The following CD244 variants were observed in gnomAD, a reference collection of about 807,000 sequenced individuals.
CD244 encodes the protein CD244 molecule.
A neutral mutation model predicts 45.5 loss-of-function variants in CD244; 20 were observed. The ratio of observed to expected loss-of-function variants is 0.44; its 90% confidence interval spans 0.31 to 0.64. CD244 has a LOEUF of 0.64. Ranked by LOEUF, CD244 falls within the 30% of genes least tolerant of loss-of-function variation. The probability of loss-of-function intolerance (pLI) is 0.08; values close to 1 mark genes in which losing one functional copy is unlikely to be tolerated. For missense variants in CD244, 407 were observed against 426.9 expected, an observed-to-expected ratio of 0.95 and a Z score of 0.41; for synonymous variants, 185 against 160.5, an observed-to-expected ratio of 1.15 and a Z score of -1.15.
intron 8 of CD244, 88 bp from the exon 9 acceptor site, chr1:160,831,515 A>T: frequency 1.1e-6 from 1 of 939,432 alleles, no homozygotes. Context: ...TCCCCATTTT[A>T]CAGATTTAAA....
At chr1:160,858,690 T>C (rs1205922351) in intron 1 of CD244, among the ~76,000 whole-genome samples, 1 of 152,246 alleles carries the variant, frequency 6.6e-6, no homozygotes, top group East Asian at 1.9e-4. Flanking sequence ...GCATTGGCAC[T>C]GCACCAGGCA....
intron 4 of CD244, 30 bp from the exon 5 acceptor site, chr1:160,838,548 C>T (rs1202581440): frequency 4.0e-6 from 6 of 1,506,532 alleles, no homozygotes; most frequent in Non-Finnish European, 4.6e-6. Flanking sequence ...AAGAGCAGAG[C>T]TGCAGAAACC....
At chr1:160,834,694 A>G (rs1215483155) in intron 6 of CD244, among the ~76,000 whole-genome samples, 2 of 152,338 alleles carry the variant, frequency 1.3e-5, no homozygotes, top group East Asian at 3.9e-4. Flanking sequence ...AAGAATGATC[A>G]TAATTTGCCC....
Position 160,858,136 on chromosome 1 carries a change from T to C in CD244, c.61+4481A>G, listed in dbSNP as rs185548146. Among the ~76,000 whole-genome samples the C allele has an allele frequency of 5.3e-5, 8 of 151,888 alleles. No individual in the cohort carries two copies. The East Asian group carries it at 1.5e-3, about 29-fold the overall frequency. On this transcript the variant is annotated intron_variant, in intron 1 of 8. Transcript: ENST00000368034. ...CTCTCCTTGAAGTGATTTCAGTGGA[T>C]TCCTTTCTGGATGGTGCTGTAGCCC...
chr1:160,855,899 G>C (rs138709202), intron 1 of CD244, among the ~76,000 whole-genome samples: 1 of 152,304 alleles, frequency 6.6e-6, no homozygotes, highest in East Asian at 1.9e-4. Flanking sequence ...AGTGAGTCCC[G>C]CTCAGCCCTG....
At chr1:160,846,126 G>A (rs1247970088) in intron 1 of CD244, among the ~76,000 whole-genome samples, 1 of 151,934 alleles carries the variant, frequency 6.6e-6, no homozygotes, top group Non-Finnish European at 1.5e-5. Flanking sequence ...TTCATTAGAG[G>A]TGATTTGTGA....
In CD244 at chr1:160,841,711, A is replaced by G. The variant is rs1345019623; in HGVS notation, c.252T>C (p.Ser84=). The change falls in exon 2 of 9, where the codon AGT becomes AGC. Residue 84 remains serine (S), a synonymous_variant. Transcript: ENST00000368034. ...LPSNTSNDRF[S]FIVKNLSLLI... ...GAAGACTCAAGTTCTTGACTATAAA[A>G]CTGAATCTATCATTGGAAGTATTGG... 6.2e-7 allele frequency: 1 copy of G among 1,614,008 alleles called. No individual in the cohort carries two copies. Among genetic ancestry groups the G allele is most frequent in the East Asian group, 2.2e-5 (1 of 44,898 alleles).
chr1:160,838,675 G>A (rs1404167505), intron 4 of CD244, 157 bp from the exon 5 acceptor site: 5 of 654,822 alleles, frequency 7.6e-6, no homozygotes, highest in Non-Finnish European at 1.4e-5. Flanking sequence ...AAAGAGCACA[G>A]AGGCAGCAAC....
intron 1 of CD244, among the ~76,000 whole-genome samples, chr1:160,852,806 T>C (rs990437206): frequency 1.3e-5 from 2 of 152,020 alleles, no homozygotes; most frequent in Non-Finnish European, 1.5e-5. Flanking sequence ...GCGGATCACC[T>C]GAGGTCAGGA....
intron 1 of CD244, among the ~76,000 whole-genome samples, chr1:160,845,460 G>C (rs949293622): frequency 6.6e-6 from 1 of 152,194 alleles, no homozygotes; most frequent in African/African-American, 2.4e-5. Context: ...AGAGAGGAAA[G>C]AGGAACTAAG....
intron 1 of CD244, among the ~76,000 whole-genome samples, chr1:160,853,155 G>A (rs192015392): frequency 6.8e-4 from 104 of 152,198 alleles, no homozygotes; most frequent in Non-Finnish European, 1.1e-3. Flanking sequence ...CAAATAAATC[G>A]TGTTATAGTC....
Position 160,837,507 on chromosome 1 carries a change from T to TA in CD244, c.834+943dup, listed in dbSNP as rs528569864. Among the ~76,000 whole-genome samples the TA allele has an allele frequency of 3.5e-3, 531 of 151,942 alleles. 1 individual carries two copies. The highest frequency in any genetic ancestry group is 6.2e-3 in the Non-Finnish European group (419 of 67,930). On this transcript the variant is annotated intron_variant, in intron 5 of 8. Transcript: ENST00000368034. ...ATAAATAAATAAATAAAGATAAAAATAAAAAAACAGGCATGGGGAGCTGCT... is the reference window on the plus strand; with the variant it reads ...ATAAATAAATAAATAAAGATAAAAATAAAAAAAACAGGCATGGGGAGCTGCT...
Position 160,841,573 on chromosome 1 carries a change from T to A in CD244, c.379+11A>T. Reference sequence around the variant, plus strand: ...TCAGAGAGGGCAGTATGAACAGTCCTGGAGACTTACCAAATACAAAAACCT... The same window carrying A: ...TCAGAGAGGGCAGTATGAACAGTCCAGGAGACTTACCAAATACAAAAACCT... On this transcript the variant is annotated intron_variant, in intron 2 of 8. Coordinates refer to ENST00000368034, the MANE Select transcript of CD244 (RefSeq NM_016382.4). The A allele has an allele frequency of 1.9e-6, 3 of 1,613,716 alleles. No homozygotes were observed. Among genetic ancestry groups the A allele is most frequent in the Non-Finnish European group, 2.5e-6 (3 of 1,179,870 alleles).
At chr1:160,851,591 A>G (rs1669920954) in intron 1 of CD244, among the ~76,000 whole-genome samples, 5 of 152,244 alleles carry the variant, frequency 3.3e-5, no homozygotes, top group Admixed American at 3.3e-4. Flanking sequence ...TAAAGCTTCC[A>G]GGAAAAAGCA....
At position 160,841,286 on chromosome 1, in the gene CD244, G is replaced by A; in HGVS notation, c.579C>T (p.Thr193=). The part of the protein sequence containing the change: ...EVDINGTHTY[T]CNVSNPVSWE... Reference sequence around the variant, plus strand: ...AGCTAACAGGATTGCTGACATTGCAGGTATATGTGTGAGTGCCATTAATGT... The same window carrying A: ...AGCTAACAGGATTGCTGACATTGCAAGTATATGTGTGAGTGCCATTAATGT... Residue 193 remains threonine, a synonymous_variant, in exon 3 of 9, where the codon ACC becomes ACT. Coordinates refer to ENST00000368034, the MANE Select transcript of CD244 (RefSeq NM_016382.4). 1 of 1,614,168 alleles carries A rather than the reference G, an allele frequency of 6.2e-7. No homozygotes were observed. The highest frequency in any genetic ancestry group is 8.5e-7 in the Non-Finnish European group (1 of 1,180,016).
chr1:160,855,565 A>G (rs1324911955), intron 1 of CD244, among the ~76,000 whole-genome samples: 1 of 152,186 alleles, frequency 6.6e-6, no homozygotes. Flanking sequence ...CAGATAGGGG[A>G]GATGAAATGC....
At chr1:160,860,476 C>G (rs1447143305) in intron 1 of CD244, among the ~76,000 whole-genome samples, 3 of 151,434 alleles carry the variant, frequency 2.0e-5, no homozygotes, top group Non-Finnish European at 4.4e-5. Flanking sequence ...ATTCTTGGGA[C>G]AATTGGTAAT....
At position 160,859,586 on chromosome 1, in the gene CD244, T is replaced by A. The variant is rs889135201; in HGVS notation, c.61+3031A>T. Among the ~76,000 whole-genome samples, 13 of 151,344 alleles carry A rather than the reference T, an allele frequency of 8.6e-5. No homozygotes were observed. In the East Asian group the frequency reaches 1.5e-3, roughly 18 times the overall value. ...TGCTGTCAATGGGCACAGAAAAAAA[T>A]TTTTTTAAAGAAAAAATAATTTTAA... On this transcript the variant is annotated intron_variant, in intron 1 of 8. Coordinates refer to ENST00000368034, the MANE Select transcript of CD244 (RefSeq NM_016382.4).
intron 1 of CD244, among the ~76,000 whole-genome samples, chr1:160,860,621 T>C (rs530735071): frequency 6.6e-6 from 1 of 152,198 alleles, no homozygotes; most frequent in Non-Finnish European, 1.5e-5. Context: ...GGGGACATAA[T>C]GTCACAACTT....
Sources: gnomAD v4.1 joint callset for allele counts (sites outside exome capture counted in the v4.1 genomes callset) on GRCh38, gnomAD v4.1.1 for gene constraint, MANE v1.5 for transcripts, NCBI Gene and HGNC (gene_info 2026-07-23, HGNC 2026-07-21) for gene names.